RALB: variants seen among roughly 807,000 people sequenced by gnomAD.
The protein encoded by RALB is RAS like proto-oncogene B.
A neutral mutation model predicts 21.3 loss-of-function variants in RALB; 16 were observed. The observed-to-expected ratio is 0.75, with a 90% CI of 0.51 to 1.14. The LOEUF (loss-of-function observed/expected upper bound fraction) is 1.14, where lower values mean the gene tolerates loss of function less well. RALB is among the 50% of genes most tolerant of loss of function. The pLI is 0.00. For synonymous variants in RALB, 93 were observed against 96.1 expected (o/e 0.97, Z 0.19); for missense variants, 161 against 256.2 (o/e 0.63, Z 2.54).
At chr2:120,254,425 C>G (rs1689144970) in intron 1 of RALB, among the ~76,000 whole-genome samples, 1 of 152,188 alleles carries the variant, frequency 6.6e-6, no homozygotes. Context: ...TATCGGAGAT[C>G]TCAGCCAGAT....
intron 1 of RALB, among the ~76,000 whole-genome samples, chr2:120,245,243 G>C (rs1390131988): frequency 6.6e-6 from 1 of 152,242 alleles, no homozygotes; most frequent in Non-Finnish European, 1.5e-5. Context: ...GACTGGGACA[G>C]GGAGCACGGA....
At chr2:120,260,306 G>C (rs763247054) in intron 1 of RALB, among the ~76,000 whole-genome samples, 5 of 152,238 alleles carry the variant, frequency 3.3e-5, no homozygotes, top group Non-Finnish European at 1.5e-5. Context: ...CCAGCATGCT[G>C]TCACCTCTCA....
chr2:120,253,315 TC>T (rs1689108492), intron 1 of RALB: 3 of 867,046 alleles, frequency 3.5e-6, no homozygotes, highest in Non-Finnish European at 2.8e-6. Context: ...CTCGGGACCG[TC>T]CACTTCCTCA....
At chr2:120,280,538 T>C (rs1356959723) in intron 2 of RALB, among the ~76,000 whole-genome samples, 2 of 34,470 alleles carry the variant, frequency 5.8e-5, no homozygotes, top group East Asian at 7.9e-4. Context: ...CATCACATGC[T>C]GGGGCCTTTT....
chr2:120,287,975 C>G (rs771087511), intron 3 of RALB, among the ~76,000 whole-genome samples: 4 of 152,146 alleles, frequency 2.6e-5, no homozygotes, highest in Non-Finnish European at 4.4e-5. Flanking sequence ...TAGAAAGGCC[C>G]CAATATAAAA....
intron 2 of RALB, among the ~76,000 whole-genome samples, chr2:120,284,667 A>G (rs1690080600): frequency 6.6e-6 from 1 of 152,122 alleles, no homozygotes; most frequent in Non-Finnish European, 1.5e-5. Flanking sequence ...AAAGTGTACA[A>G]TTTAATAGGT....
intron 2 of RALB, among the ~76,000 whole-genome samples, chr2:120,281,925 G>C (rs956856415): frequency 1.3e-5 from 2 of 152,144 alleles, no homozygotes; most frequent in African/African-American, 2.4e-5. Context: ...ATTCGTAAGT[G>C]CCTGGAGACA....
chr2:120,288,443 C>T (rs892583016), intron 3 of RALB, among the ~76,000 whole-genome samples: 1 of 146,114 alleles, frequency 6.8e-6, no homozygotes, highest in African/African-American at 2.5e-5. Flanking sequence ...CCTCAGGCTC[C>T]CAGAGTGCTG....
chr2:120,269,659 A>G (rs1054766463), intron 1 of RALB, among the ~76,000 whole-genome samples: 3 of 152,208 alleles, frequency 2.0e-5, no homozygotes, highest in Non-Finnish European at 2.9e-5. Context: ...ATCCTCTTGT[A>G]AGACAGAAAA....
At chr2:120,260,097 T>C (rs1689322054) in intron 1 of RALB, among the ~76,000 whole-genome samples, 1 of 152,174 alleles carries the variant, frequency 6.6e-6, no homozygotes, top group South Asian at 2.1e-4. Flanking sequence ...GGCCCGCAAG[T>C]GCCGCACACA....
At chr2:120,274,261 C>T (rs1457322531) in intron 1 of RALB, among the ~76,000 whole-genome samples, 2 of 151,968 alleles carry the variant, frequency 1.3e-5, no homozygotes, top group Non-Finnish European at 2.9e-5. Flanking sequence ...TTGGGGAGGT[C>T]TGCCTCTTAT....
At chr2:120,285,517 T>C (rs1459979868) in intron 2 of RALB, among the ~76,000 whole-genome samples, 1 of 152,226 alleles carries the variant, frequency 6.6e-6, no homozygotes, top group Non-Finnish European at 1.5e-5. Context: ...CGTGTATACA[T>C]GTGTAACAAA....
intron 4 of RALB, among the ~76,000 whole-genome samples, chr2:120,292,050 T>A (rs1690317617): frequency 6.6e-6 from 1 of 152,378 alleles, no homozygotes; most frequent in South Asian, 2.1e-4. Flanking sequence ...TCATATTTTG[T>A]CTGCTTGGGT....
At chr2:120,249,167 G>A (rs1183498906), upstream of RALB, among the ~76,000 whole-genome samples, 4 of 151,754 alleles carry the variant, frequency 2.6e-5, no homozygotes, top group African/African-American at 9.7e-5. Context: ...CGAGTAGCTG[G>A]GATTACAGGC....
In RALB at chr2:120,261,787, C is replaced by CAG. The variant is rs1466193131; in HGVS notation, c.-48+8816_-48+8817dup. On this transcript the variant is annotated intron_variant, in intron 1 of 4. Transcript: ENST00000272519. ...GTGCAGCCCAGAGGGTCTTGTTATGCAGAGAGAGAGTGCTGGAGGCCAATG... is the reference window on the plus strand; with the variant it reads ...GTGCAGCCCAGAGGGTCTTGTTATGCAGAGAGAGAGAGTGCTGGAGGCCAATG... 2.0e-5 allele frequency among the ~76,000 whole-genome samples: 3 copies of CAG among 151,984 alleles called. No homozygotes were observed. In the South Asian group the frequency reaches 6.2e-4, roughly 32 times the overall value.
At chr2:120,286,260 A>G (rs1384949445) in intron 3 of RALB, among the ~76,000 whole-genome samples, 178 bp downstream of exon 3, 1 of 152,212 alleles carries the variant, frequency 6.6e-6, no homozygotes, top group African/African-American at 2.4e-5. Flanking sequence ...ATTATAGACT[A>G]TGATGATTAT....
chr2:120,262,753 A>C (rs968589224), intron 1 of RALB, among the ~76,000 whole-genome samples: 1 of 152,224 alleles, frequency 6.6e-6, no homozygotes, highest in Non-Finnish European at 1.5e-5. Context: ...GATTTAGGAC[A>C]GGGACATCCT....
intron 4 of RALB, among the ~76,000 whole-genome samples, chr2:120,291,670 T>C (rs1244271623): frequency 6.6e-6 from 1 of 152,244 alleles, no homozygotes; most frequent in East Asian, 1.9e-4. Context: ...TTAAGTTGGA[T>C]GCACTCCATT....
At chr2:120,289,238 C>CTTTT (rs1188115492) in intron 3 of RALB, among the ~76,000 whole-genome samples, 2 of 101,240 alleles carry the variant, frequency 2.0e-5, no homozygotes, top group African/African-American at 6.3e-5. Context: ...CATTTTTCTT[C>CTTTT]TTTTTGTTTT....
Sources: gnomAD v4.1 joint callset for allele counts (sites outside exome capture counted in the v4.1 genomes callset) on GRCh38, gnomAD v4.1.1 for gene constraint, MANE v1.5 for transcripts, NCBI Gene and HGNC (gene_info 2026-07-23, HGNC 2026-07-21) for gene names.